KCNN3: variants seen among roughly 807,000 people sequenced by gnomAD.
The protein encoded by KCNN3 is potassium calcium-activated channel subfamily N member 3, also known as small conductance calcium-activated potassium channel protein 3.
In KCNN3, 16 loss-of-function variants were observed where a neutral mutation model predicts 62.9. That is an observed-to-expected ratio of 0.25 (90% CI 0.17 to 0.39). The LOEUF is 0.39. Among genes scored for constraint, KCNN3 ranks in the 10% least tolerant of loss-of-function variants. The probability of loss-of-function intolerance (pLI) is 1.00; values close to 1 mark genes in which losing one functional copy is unlikely to be tolerated. For missense variants in KCNN3, 599 were observed against 949.4 expected (o/e 0.63, Z 4.85); for synonymous variants, 370 against 389.2 (o/e 0.95, Z 0.58).
intron 2 of KCNN3, among the ~76,000 whole-genome samples, chr1:154,779,445 T>A (rs1383429058): frequency 6.6e-6 from 1 of 152,176 alleles, no homozygotes; most frequent in Non-Finnish European, 1.5e-5. Flanking sequence ...GGTGACTGGA[T>A]GGGGAGGAGA....
intron 3 of KCNN3, among the ~76,000 whole-genome samples, chr1:154,769,386 C>T (rs1648448365): frequency 6.6e-6 from 1 of 152,174 alleles, no homozygotes; most frequent in Admixed American, 6.5e-5. Flanking sequence ...CTCATTGTTC[C>T]TCTGTGCCTT....
chr1:154,728,028 G>C (rs953270133), intron 4 of KCNN3, among the ~76,000 whole-genome samples: 4 of 152,316 alleles, frequency 2.6e-5, no homozygotes, highest in African/African-American at 7.2e-5. Context: ...ATCCCTGAAA[G>C]CTGGGGTCCA....
intron 1 of KCNN3, among the ~76,000 whole-genome samples, chr1:154,865,393 C>T (rs982584907): frequency 6.6e-6 from 1 of 152,110 alleles, no homozygotes; most frequent in African/African-American, 2.4e-5. Flanking sequence ...CAAGGGTCAC[C>T]TGGTACCTTT....
chr1:154,815,972 C>T (rs1030873354), intron 2 of KCNN3, among the ~76,000 whole-genome samples: 1 of 152,200 alleles, frequency 6.6e-6, no homozygotes, highest in Non-Finnish European at 1.5e-5. Flanking sequence ...TACACGCACC[C>T]AGGAGGACAC....
chr1:154,712,084 A>T (rs1343990057), intron 7 of KCNN3, among the ~76,000 whole-genome samples: 1 of 152,134 alleles, frequency 6.6e-6, no homozygotes, highest in Non-Finnish European at 1.5e-5. Context: ...TGAAGCAGTC[A>T]CTTAAACAGA....
chr1:154,847,283 A>G (rs1466708334), intron 1 of KCNN3, among the ~76,000 whole-genome samples: 1 of 151,082 alleles, frequency 6.6e-6, no homozygotes, highest in Non-Finnish European at 1.5e-5. Context: ...CGTGAATATC[A>G]GGTCACTGGC....
At chr1:154,716,402 A>G (rs550051538) in intron 5 of KCNN3, among the ~76,000 whole-genome samples, 1 of 152,386 alleles carries the variant, frequency 6.6e-6, no homozygotes, top group East Asian at 1.9e-4. Context: ...ACTAGCCAGA[A>G]AGGATTTTAA....
At chr1:154,794,057 A>T (rs1328799886) in intron 2 of KCNN3, among the ~76,000 whole-genome samples, 2 of 152,196 alleles carry the variant, frequency 1.3e-5, no homozygotes, top group Non-Finnish European at 2.9e-5. Context: ...TCCCAGGACC[A>T]CCAAGGCTGT....
intron 3 of KCNN3, among the ~76,000 whole-genome samples, chr1:154,751,326 C>G (rs1647367512): frequency 6.6e-6 from 1 of 152,228 alleles, no homozygotes; most frequent in African/African-American, 2.4e-5. Flanking sequence ...CTCTCCCACT[C>G]CCATTCTCGG....
chr1:154,823,435 G>A (rs72700282), intron 1 of KCNN3, among the ~76,000 whole-genome samples: 158 of 152,320 alleles, frequency 1.0e-3, no homozygotes, highest in Non-Finnish European at 1.9e-3. Context: ...AGTTTACAAG[G>A]TGGTTTCACG....
intron 2 of KCNN3, among the ~76,000 whole-genome samples, chr1:154,792,733 G>C (rs1423817097): frequency 1.8e-4 from 27 of 152,194 alleles, no homozygotes. Context: ...AATGAAATCT[G>C]GACCTATTCA....
chr1:154,776,887 G>T (rs1648814068), intron 2 of KCNN3, among the ~76,000 whole-genome samples: 1 of 152,160 alleles, frequency 6.6e-6, no homozygotes, highest in Admixed American at 6.5e-5. Context: ...CCCTGGCACG[G>T]GTGTTCTTCT....
At chr1:154,807,017 T>C (rs545982395) in intron 2 of KCNN3, among the ~76,000 whole-genome samples, 1 of 152,268 alleles carries the variant, frequency 6.6e-6, no homozygotes, top group Non-Finnish European at 1.5e-5. Flanking sequence ...TGTCCCTCAT[T>C]GTCCTCCTCT....
rs1385346526 is a variant in KCNN3, at chr1:154,869,670, C to T, written c.295G>A (p.Gly99Ser). ...GCGGTGGGAGAGGAGTGCAGCAGGC[C>T]AGGGTGGACGGGCTGGCTCTGGAGT... ...AQLQSQPVHP[G>S]LLHSSPTAFR... The change falls in exon 1 of 8, where the codon GGC (glycine) becomes AGC (serine). Residue 99 changes from glycine to serine, a missense_variant. Gly to Ser is a moderately conservative substitution (Grantham distance 56). Around this residue, in one of 7 missense-constraint regions of KCNN3, gnomAD observed 112 missense variants for 142.9 expected, o/e 0.78. Transcript: ENST00000271915. The surrounding 1 kb of genome is among the most constrained non-coding windows in gnomAD (Gnocchi z 6.1). 2 of 1,604,182 alleles carry T rather than the reference C, an allele frequency of 1.2e-6. No individual in the cohort carries two copies. The highest frequency in any genetic ancestry group is 1.1e-5 in the South Asian group (1 of 90,080).
chr1:154,737,453 CT>C (rs1700735101), intron 3 of KCNN3, among the ~76,000 whole-genome samples: 1 of 152,056 alleles, frequency 6.6e-6, no homozygotes, highest in Non-Finnish European at 1.5e-5. Flanking sequence ...AGTTGTTAGT[CT>C]CCTACTTTTA....
intron 2 of KCNN3, among the ~76,000 whole-genome samples, chr1:154,813,175 G>A (rs1650500552): frequency 6.6e-6 from 1 of 151,102 alleles, no homozygotes; most frequent in Non-Finnish European, 1.5e-5. Flanking sequence ...TTGCTGGGGT[G>A]GGAGCCCCTT....
intron 2 of KCNN3, among the ~76,000 whole-genome samples, chr1:154,806,933 T>C (rs1475896669): frequency 6.6e-6 from 1 of 152,188 alleles, no homozygotes; most frequent in Non-Finnish European, 1.5e-5. Context: ...AATTAGAATG[T>C]GGTCCCAGCC....
In KCNN3 at chr1:154,849,011, CT is replaced by C. The variant is rs1652200666; in HGVS notation, c.933+20020del. On this transcript the variant is annotated intron_variant, in intron 1 of 7. Transcript: ENST00000271915. ...AGAGCTTCAATATATTGGTACAGAC[CT>C]TTCCCCGACAGCAAACCCCATCTTT... Among the ~76,000 whole-genome samples the C allele has an allele frequency of 2.6e-5, 4 of 152,184 alleles. 1 individual carries two copies. Among genetic ancestry groups the C allele is most frequent in the Admixed American group, 2.0e-4 (3 of 15,274 alleles).
chr1:154,863,838 T>C (rs1652859564), intron 1 of KCNN3, among the ~76,000 whole-genome samples: 1 of 152,070 alleles, frequency 6.6e-6, no homozygotes, highest in African/African-American at 2.4e-5. Flanking sequence ...GGAAGGGAAG[T>C]CCGGATGTGT....
Sources: allele counts gnomAD v4.1 joint callset (sites outside exome capture counted in the v4.1 genomes callset), GRCh38; gene constraint gnomAD v4.1.1; regional missense constraint gnomAD v4.1.1; non-coding constraint Gnocchi (gnomAD v3.1); transcripts MANE v1.5; gene names NCBI Gene and HGNC (gene_info 2026-07-23, HGNC 2026-07-21).